Variants in KIAA1217 observed in about 807,000 individuals in gnomAD.
KIAA1217 encodes KIAA1217.
KIAA1217 carries 88 observed loss-of-function variants against 163.9 expected under a neutral mutation model. The observed-to-expected ratio is 0.54, with a 90% CI of 0.45 to 0.64. KIAA1217 has a LOEUF of 0.64. KIAA1217 is among the 30% of genes least tolerant of loss of function. The pLI is 0.00. For synonymous variants in KIAA1217, 903 were observed against 923.1 expected, an observed-to-expected ratio of 0.98 and a Z score of 0.39; for missense variants, 2,372 against 2,475.0, an observed-to-expected ratio of 0.96 and a Z score of 0.88.
intron 2 of KIAA1217, among the ~76,000 whole-genome samples, chr10:24,037,140 G>A (rs1048448518): frequency 5.9e-5 from 9 of 151,928 alleles, no homozygotes; most frequent in South Asian, 2.1e-4. Context: ...GTCATTGTGG[G>A]GAGATACTAG....
At chr10:23,804,307 G>A (rs145484565) in intron 1 of KIAA1217, among the ~76,000 whole-genome samples, 25 of 152,326 alleles carry the variant, frequency 1.6e-4, no homozygotes, top group South Asian at 6.2e-4. Flanking sequence ...CTGCCAAGCC[G>A]TGAGTACATC....
At chr10:24,484,241 A>ATATATATATATTTTTTTTT (rs1376083298) in intron 6 of KIAA1217, among the ~76,000 whole-genome samples, 1 of 75,144 alleles carries the variant, frequency 1.3e-5, no homozygotes, top group Non-Finnish European at 2.5e-5. Context: ...ATATATATAT[A>ATATATATATATTTTTTTTT]TTTTTTTTTT....
At chr10:24,403,926 C>T (rs1292258657) in intron 3 of KIAA1217, among the ~76,000 whole-genome samples, 1 of 152,096 alleles carries the variant, frequency 6.6e-6, no homozygotes, top group Non-Finnish European at 1.5e-5. Context: ...ATGGAATAGC[C>T]ACGCTAGAAA....
chr10:24,092,722 A>T (rs1286817043), intron 2 of KIAA1217, among the ~76,000 whole-genome samples: 1 of 151,870 alleles, frequency 6.6e-6, no homozygotes, highest in Non-Finnish European at 1.5e-5. Context: ...GGAATGGGAA[A>T]CAAATAGTAG....
intron 3 of KIAA1217, among the ~76,000 whole-genome samples, chr10:24,425,296 G>A (rs1314640818): frequency 6.6e-6 from 1 of 152,150 alleles, no homozygotes; most frequent in Non-Finnish European, 1.5e-5. Flanking sequence ...TAGTCATCAG[G>A]TATTTCAGGA....
At chr10:24,165,315 C>T (rs2065295204) in intron 2 of KIAA1217, among the ~76,000 whole-genome samples, 1 of 152,176 alleles carries the variant, frequency 6.6e-6, no homozygotes, top group African/African-American at 2.4e-5. Flanking sequence ...GGAGCCTGAC[C>T]TCTCACCTCC....
At chr10:24,358,859 A>G (rs973183533) in intron 2 of KIAA1217, among the ~76,000 whole-genome samples, 1 of 152,214 alleles carries the variant, frequency 6.6e-6, no homozygotes, top group Non-Finnish European at 1.5e-5. Context: ...ATGCATATAT[A>G]TACACATACA....
chr10:24,248,130 C>G (rs1159860738), intron 2 of KIAA1217, among the ~76,000 whole-genome samples: 1 of 151,978 alleles, frequency 6.6e-6, no homozygotes, highest in Non-Finnish European at 1.5e-5. Context: ...TTTCCCTTTT[C>G]CATTATAGGA....
At chr10:23,974,535 A>C (rs1845456038) in intron 1 of KIAA1217, among the ~76,000 whole-genome samples, 1 of 152,056 alleles carries the variant, frequency 6.6e-6, no homozygotes, top group Non-Finnish European at 1.5e-5. Context: ...AGTGGCTGAC[A>C]CCTGTAATCC....
At chr10:23,824,233 C>T (rs943573847) in intron 1 of KIAA1217, among the ~76,000 whole-genome samples, 3 of 152,070 alleles carry the variant, frequency 2.0e-5, no homozygotes, top group Admixed American at 1.3e-4. Context: ...GAGATCATGC[C>T]ACTGTACTGC....
At chr10:24,261,721 G>T (rs1564362981) in intron 2 of KIAA1217, among the ~76,000 whole-genome samples, 1 of 152,060 alleles carries the variant, frequency 6.6e-6, no homozygotes. Flanking sequence ...ACTAGGGGGT[G>T]GGCTACCGTA....
chr10:23,726,331 T>A (rs1212885630), intron 1 of KIAA1217, among the ~76,000 whole-genome samples: 1 of 151,350 alleles, frequency 6.6e-6, no homozygotes, highest in Non-Finnish European at 1.5e-5. Flanking sequence ...CAAATCATAT[T>A]TTTTATTTGA....
chr10:24,048,230 T>C (rs534762134), intron 2 of KIAA1217, among the ~76,000 whole-genome samples: 31 of 152,336 alleles, frequency 2.0e-4, no homozygotes, highest in Admixed American at 3.3e-4. Flanking sequence ...ATATGGGTCA[T>C]TACATTTCTC....
chr10:24,317,372 G>A (rs1028452850), intron 2 of KIAA1217, among the ~76,000 whole-genome samples: 5 of 152,130 alleles, frequency 3.3e-5, no homozygotes, highest in Admixed American at 6.6e-5. Context: ...CCCCACCTCA[G>A]CCTCCTGAGT....
chr10:23,838,601 C>T (rs1216200908), intron 1 of KIAA1217, among the ~76,000 whole-genome samples: 1 of 152,060 alleles, frequency 6.6e-6, no homozygotes, highest in Non-Finnish European at 1.5e-5. Flanking sequence ...GCTGGAATTA[C>T]AGGTGCCCAC....
intron 2 of KIAA1217, among the ~76,000 whole-genome samples, chr10:24,364,301 C>T (rs1166777890): frequency 2.0e-5 from 3 of 152,108 alleles, no homozygotes; most frequent in South Asian, 4.1e-4. Context: ...TTTTTAAGAA[C>T]AATTTTCTAT....
chr10:24,216,693 T>C (rs1269828189), intron 1 of KIAA1217, among the ~76,000 whole-genome samples: 1 of 151,278 alleles, frequency 6.6e-6, no homozygotes, highest in Non-Finnish European at 1.5e-5. Flanking sequence ...CGGGCATGGT[T>C]GCGCACGGCT....
At chr10:24,463,960 A>C (rs1021570982) in intron 5 of KIAA1217, among the ~76,000 whole-genome samples, 30 of 152,226 alleles carry the variant, frequency 2.0e-4, no homozygotes, top group African/African-American at 6.0e-4. Context: ...TGATGTAATC[A>C]AACCAAAGCG....
At chr10:24,309,591 A>G (rs2042447964) in intron 2 of KIAA1217, among the ~76,000 whole-genome samples, 1 of 152,166 alleles carries the variant, frequency 6.6e-6, no homozygotes, top group African/African-American at 2.4e-5. Flanking sequence ...TTTCTTCAAC[A>G]TTGGCAGAAA....
Sources: allele counts gnomAD v4.1 joint callset (sites outside exome capture counted in the v4.1 genomes callset), GRCh38; gene constraint gnomAD v4.1.1; transcripts MANE v1.5; gene names NCBI Gene and HGNC (gene_info 2026-07-23, HGNC 2026-07-21).